Variants in SGK2 observed in about 807,000 individuals in gnomAD.
SGK2 encodes serum/glucocorticoid regulated kinase 2.
In SGK2, 36 loss-of-function variants were observed where a neutral mutation model predicts 47.5. The observed-to-expected ratio is 0.76, with a 90% CI of 0.58 to 1.00. The LOEUF (loss-of-function observed/expected upper bound fraction) is 1.00, where lower values mean the gene tolerates loss of function less well. Among genes scored for constraint, SGK2 ranks in the 50% least tolerant of loss-of-function variants. The probability of loss-of-function intolerance (pLI) is 0.00; values close to 1 mark genes in which losing one functional copy is unlikely to be tolerated. For synonymous variants in SGK2, 157 were observed against 181.9 expected (o/e 0.86, Z 1.10); for missense variants, 404 against 467.4 (o/e 0.86, Z 1.25).
chr20:43,574,460 C>T (rs546641524), intron 9 of SGK2, among the ~76,000 whole-genome samples: 2 of 152,224 alleles, frequency 1.3e-5, no homozygotes, highest in Middle Eastern at 3.2e-3. Context: ...CGGGGCCTTC[C>T]GTTCCCAGGA....
At chr20:43,566,963 G>A in intron 2 of SGK2, 105 bp from the exon 3 acceptor site, 1 of 863,292 alleles carries the variant, frequency 1.2e-6, no homozygotes, top group Non-Finnish European at 1.9e-6. Flanking sequence ...AAAAAGGCAG[G>A]CAGGCCTAGT....
chr20:43,561,533 G>A (rs1279397113), intron 1 of SGK2, among the ~76,000 whole-genome samples: 5 of 151,924 alleles, frequency 3.3e-5, no homozygotes. Context: ...GGGACTACAG[G>A]CACATATCAC....
chr20:43,559,561 GA>G (rs1413987677), intron 1 of SGK2, among the ~76,000 whole-genome samples: 1 of 152,102 alleles, frequency 6.6e-6, no homozygotes, highest in African/African-American at 2.4e-5. Context: ...TCTCCTCCTT[GA>G]AACAGGGACG....
At chr20:43,566,586 T>G in intron 2 of SGK2, 55 bp downstream of exon 2, 1 of 1,283,452 alleles carries the variant, frequency 7.8e-7, no homozygotes, top group Non-Finnish European at 1.1e-6. Flanking sequence ...TTCCCGAGGC[T>G]AAGGAAATCT....
At chr20:43,564,090 T>C (rs897488508) in intron 1 of SGK2, among the ~76,000 whole-genome samples, 8 of 152,226 alleles carry the variant, frequency 5.3e-5, no homozygotes, top group African/African-American at 2.4e-5. Flanking sequence ...AACATCTGCC[T>C]ACCCCTCGGG....
intron 7 of SGK2, 67 bp from the exon 8 acceptor site, chr20:43,570,957 C>T (rs1980074131): frequency 6.2e-7 from 1 of 1,610,268 alleles, no homozygotes; most frequent in East Asian, 2.2e-5. Context: ...ACCCCCCGCC[C>T]AGGTCTCCAA....
At chr20:43,582,411 G>A (rs1283590230) in intron 12 of SGK2, among the ~76,000 whole-genome samples, 3 of 149,768 alleles carry the variant, frequency 2.0e-5, no homozygotes, top group African/African-American at 7.4e-5. Flanking sequence ...TTATTGAGGT[G>A]GAGTCTCACT....
At chr20:43,562,742 AAAAT>A (rs1295984781) in intron 1 of SGK2, among the ~76,000 whole-genome samples, 1 of 152,236 alleles carries the variant, frequency 6.6e-6, no homozygotes, top group Non-Finnish European at 1.5e-5. Flanking sequence ...TCTTTCTTAA[AAAAT>A]AAATAAATAA....
intron 1 of SGK2, chr20:43,566,050 G>A (rs3135417): frequency 0.13 from 47,099 of 373,430 alleles, 3,896 homozygotes; most frequent in Non-Finnish European, 0.17. Flanking sequence ...TGTGGCCCTA[G>A]GAAGGTCCTT....
chr20:43,579,694 C>T (rs772491060), intron 11 of SGK2, among the ~76,000 whole-genome samples: 16 of 152,164 alleles, frequency 1.1e-4, no homozygotes, highest in Non-Finnish European at 2.4e-4. Context: ...TTCACTGACA[C>T]CCCCAAAGCC....
chr20:43,570,657 C>G lies in SGK2; in HGVS notation c.401C>G (p.Pro134Arg), dbSNP rs760973578. ...CAGCGGGAGCGCCGGTTCCTGGAGCCCCGGGCCAGGTTCTACGCTGCTGAG... is the reference window on the plus strand; with the variant it reads ...CAGCGGGAGCGCCGGTTCCTGGAGCGCCGGGCCAGGTTCTACGCTGCTGAG... ...HLQRERRFLE[P>R]RARFYAAEVA... Residue 134 changes from proline to arginine, a missense_variant, in exon 7 of 13, where the codon CCC (proline) becomes CGC (arginine). Transcript: ENST00000373100. 6.2e-7 allele frequency: 1 copy of G among 1,612,400 alleles called. No homozygotes were observed. The highest frequency in any genetic ancestry group is 8.5e-7 in the Non-Finnish European group (1 of 1,178,692).
At chr20:43,564,078 A>G (rs1979537411) in intron 1 of SGK2, among the ~76,000 whole-genome samples, 2 of 152,334 alleles carry the variant, frequency 1.3e-5, no homozygotes, top group Admixed American at 6.5e-5. Flanking sequence ...TTTATTCTTG[A>G]GAACATCTGC....
At chr20:43,571,732 A>T (rs1195424475) in intron 8 of SGK2, among the ~76,000 whole-genome samples, 1 of 152,192 alleles carries the variant, frequency 6.6e-6, no homozygotes, top group Non-Finnish European at 1.5e-5. Flanking sequence ...CTTCCTGCCC[A>T]GCTGCCACAA....
chr20:43,564,196 C>T (rs967359168), intron 1 of SGK2, among the ~76,000 whole-genome samples: 10 of 152,228 alleles, frequency 6.6e-5, no homozygotes, highest in Middle Eastern at 3.2e-3. Flanking sequence ...CCGTTTCTTA[C>T]GCAGCAGGAG....
At chr20:43,569,026 G>C (rs1170689422) in intron 5 of SGK2, among the ~76,000 whole-genome samples, 1 of 152,192 alleles carries the variant, frequency 6.6e-6, no homozygotes, top group Non-Finnish European at 1.5e-5. Flanking sequence ...AGAGGAAATA[G>C]CATGAGCAAA....
intron 2 of SGK2, 96 bp downstream of exon 2, chr20:43,566,627 G>A (rs1283379975): frequency 1.7e-5 from 14 of 838,178 alleles, no homozygotes. Flanking sequence ...GGGGCTGAGA[G>A]GGTTACTGCG....
intron 11 of SGK2, among the ~76,000 whole-genome samples, chr20:43,577,896 C>T (rs1254259636): frequency 6.6e-6 from 1 of 151,736 alleles, no homozygotes; most frequent in Non-Finnish European, 1.5e-5. Flanking sequence ...CTGCCCGCCT[C>T]AGCCTCCCAA....
intron 9 of SGK2, among the ~76,000 whole-genome samples, chr20:43,574,211 C>T (rs959361581): frequency 2.0e-5 from 3 of 152,174 alleles, no homozygotes; most frequent in African/African-American, 7.2e-5. Flanking sequence ...ACCTTGCCCC[C>T]GACTCGGTGG....
chr20:43,584,608 G>A (rs1199415292), intron 12 of SGK2, among the ~76,000 whole-genome samples: 1 of 152,180 alleles, frequency 6.6e-6, no homozygotes, highest in Non-Finnish European at 1.5e-5. Flanking sequence ...ACAGTACCTG[G>A]TAGGCATTCA....
Sources: allele counts gnomAD v4.1 joint callset (sites outside exome capture counted in the v4.1 genomes callset), GRCh38; gene constraint gnomAD v4.1.1; transcripts MANE v1.5; gene names NCBI Gene and HGNC (gene_info 2026-07-23, HGNC 2026-07-21).